KHDRBS2: variants seen among roughly 807,000 people sequenced by gnomAD.
The protein encoded by KHDRBS2 is KH RNA binding domain containing, signal transduction associated 2.
In KHDRBS2, 26 loss-of-function variants were observed where a neutral mutation model predicts 44.3. The observed-to-expected ratio is 0.59, with a 90% confidence interval of 0.43 to 0.81. KHDRBS2 has a LOEUF of 0.81. Among genes scored for constraint, KHDRBS2 ranks in the 40% least tolerant of loss-of-function variants. The pLI, the probability that KHDRBS2 is intolerant of heterozygous loss-of-function variation, is 0.00. For synonymous variants in KHDRBS2, 194 were observed against 151.1 expected, an observed-to-expected ratio of 1.28 and a Z score of -2.08; for missense variants, 476 against 433.1, an observed-to-expected ratio of 1.10 and a Z score of -0.88.
intron 1 of KHDRBS2, among the ~76,000 whole-genome samples, chr6:62,201,518 A>G (rs893959154): frequency 3.3e-5 from 5 of 152,144 alleles, no homozygotes; most frequent in East Asian, 1.9e-4. Flanking sequence ...CATAGAAAAT[A>G]CACGCTTCTA....
At chr6:62,055,516 C>T (rs1487986410) in intron 2 of KHDRBS2, among the ~76,000 whole-genome samples, 1 of 151,952 alleles carries the variant, frequency 6.6e-6, no homozygotes, top group Non-Finnish European at 1.5e-5. Flanking sequence ...ATGGCAGTGT[C>T]TTGTCAATCT....
chr6:62,130,579 T>C (rs1444084814), intron 2 of KHDRBS2, among the ~76,000 whole-genome samples: 1 of 152,006 alleles, frequency 6.6e-6, no homozygotes, highest in Non-Finnish European at 1.5e-5. Context: ...ACTATATTAA[T>C]ATATTGATGA....
the KHDRBS2 span, among the ~76,000 whole-genome samples, chr6:61,637,419 A>C: frequency 3.3e-5 from 5 of 152,058 alleles, no homozygotes; most frequent in Non-Finnish European, 4.4e-5. Flanking sequence ...ACATTTTCTT[A>C]ATCCAGTCTA....
the KHDRBS2 span, among the ~76,000 whole-genome samples, chr6:61,553,142 G>C: frequency 6.6e-6 from 1 of 151,974 alleles, no homozygotes; most frequent in African/African-American, 2.4e-5. Context: ...GGGCTTTTTT[G>C]GATAGTAGGC....
intron 2 of KHDRBS2, among the ~76,000 whole-genome samples, chr6:62,172,013 A>G (rs1820110341): frequency 6.6e-6 from 1 of 152,184 alleles, no homozygotes; most frequent in African/African-American, 2.4e-5. Flanking sequence ...TCAAGCAACT[A>G]CACAATCAAG....
chr6:62,114,969 T>A (rs1375930661), intron 2 of KHDRBS2, among the ~76,000 whole-genome samples: 6 of 152,164 alleles, frequency 3.9e-5, no homozygotes, highest in Non-Finnish European at 7.4e-5. Flanking sequence ...TCTATGAATA[T>A]TTTTGTCGGC....
intron 1 of KHDRBS2, among the ~76,000 whole-genome samples, chr6:62,249,837 G>A (rs1224012101): frequency 2.0e-5 from 3 of 151,994 alleles, no homozygotes; most frequent in Admixed American, 1.3e-4. Flanking sequence ...AAGTCATGAT[G>A]AACACTGCCA....
Position 61,906,543 on chromosome 6 carries a change from C to G in KHDRBS2, c.484-5172G>C, listed in dbSNP as rs962032755. Among the ~76,000 whole-genome samples the G allele has an allele frequency of 1.3e-4, 20 of 151,992 alleles. 1 individual carries two copies. Among genetic ancestry groups the G allele is most frequent in the South Asian group, 2.1e-4 (1 of 4,822 alleles). Reference sequence around the variant, plus strand: ...CCCATTAACCATCCCAACTTCCCCCCCTCCTTCCCACTATTCTTCCTGGTC... The same window carrying G: ...CCCATTAACCATCCCAACTTCCCCCGCTCCTTCCCACTATTCTTCCTGGTC... On this transcript the variant is annotated intron_variant, in intron 4 of 8. Transcript: ENST00000281156.
At chr6:61,880,526 T>G (rs563147158) in intron 6 of KHDRBS2, among the ~76,000 whole-genome samples, 2 of 152,108 alleles carry the variant, frequency 1.3e-5, no homozygotes, top group South Asian at 4.1e-4. Flanking sequence ...TCATTATATT[T>G]ACAGATCTCT....
At chr6:61,616,289 G>A in the KHDRBS2 span, among the ~76,000 whole-genome samples, 3 of 152,108 alleles carry the variant, frequency 2.0e-5, no homozygotes, top group Admixed American at 1.3e-4. Context: ...TGGAAGACTA[G>A]GGCATATAAT....
chr6:61,909,232 A>G (rs1409750793), intron 4 of KHDRBS2, among the ~76,000 whole-genome samples: 1 of 151,766 alleles, frequency 6.6e-6, no homozygotes, highest in Non-Finnish European at 1.5e-5. Context: ...ATGCCCAGCT[A>G]ATTTTTTTGT....
rs116383410 is a variant in KHDRBS2 at position 61,904,580 on chromosome 6, C to T, written c.484-3209G>A. 1.7e-3 allele frequency among the ~76,000 whole-genome samples: 257 copies of T among 152,224 alleles called. 2 individuals carry two copies. The highest frequency in any genetic ancestry group is 6.0e-3 in the African/African-American group (251 of 41,546). ...CTATTGCTTCCAAGGCTATGCTACC[C>T]AAAAGCTTCTCCCAGCTGATAACCA... On this transcript the variant is annotated intron_variant, in intron 4 of 8. Transcript: ENST00000281156.
chr6:62,169,133 A>G lies in KHDRBS2; in HGVS notation c.219+8052T>C, dbSNP rs537702590. Among the ~76,000 whole-genome samples the G allele has an allele frequency of 3.2e-5, 4 of 124,104 alleles. No homozygotes were observed. The East Asian group carries it at 9.4e-4, about 29-fold the overall frequency. 81.4% of individuals were successfully genotyped at this position (124,104 alleles called of 152,430 possible). ...CATATATGTGTGTATATATACATAT[A>G]CACACATATATGTGTGTATATATAC... On this transcript the variant is annotated intron_variant, in intron 2 of 8. Coordinates refer to ENST00000281156, the MANE Select transcript of KHDRBS2 (RefSeq NM_152688.4).
intron 3 of KHDRBS2, among the ~76,000 whole-genome samples, chr6:61,998,382 G>C (rs768251945): frequency 2.0e-5 from 3 of 151,964 alleles, no homozygotes; most frequent in Admixed American, 6.6e-5. Flanking sequence ...TCAGTCAAAG[G>C]TGTCTGGAAG....
At chr6:61,757,877 C>T (rs1380806666) in intron 6 of KHDRBS2, among the ~76,000 whole-genome samples, 1 of 152,110 alleles carries the variant, frequency 6.6e-6, no homozygotes, top group South Asian at 2.1e-4. Flanking sequence ...TCCAGTATGA[C>T]AATTGAGACA....
At chr6:61,688,631 A>C (rs1314618800) in intron 8 of KHDRBS2, among the ~76,000 whole-genome samples, 1 of 151,924 alleles carries the variant, frequency 6.6e-6, no homozygotes, top group African/African-American at 2.4e-5. Flanking sequence ...TTTTCTACCT[A>C]AGAGCAGAAA....
At chr6:61,614,862 G>A in the KHDRBS2 span, among the ~76,000 whole-genome samples, 52 of 152,176 alleles carry the variant, frequency 3.4e-4, no homozygotes, top group African/African-American at 1.3e-3. Context: ...TGAACCTCAA[G>A]GAACTGCAGT....
intron 3 of KHDRBS2, among the ~76,000 whole-genome samples, chr6:62,035,325 G>T (rs1785084435): frequency 6.6e-6 from 1 of 151,942 alleles, no homozygotes; most frequent in South Asian, 2.1e-4. Flanking sequence ...AAATGAATGA[G>T]ATTCTGTCAC....
At chr6:62,024,572 T>G (rs1053260199) in intron 3 of KHDRBS2, among the ~76,000 whole-genome samples, 13 of 151,624 alleles carry the variant, frequency 8.6e-5, no homozygotes, top group Non-Finnish European at 1.6e-4. Flanking sequence ...TAGTAATTTA[T>G]GAAAATAAAA....
Sources: gnomAD v4.1 joint callset for allele counts (sites outside exome capture counted in the v4.1 genomes callset) on GRCh38, gnomAD v4.1.1 for gene constraint, MANE v1.5 for transcripts, NCBI Gene and HGNC (gene_info 2026-07-23, HGNC 2026-07-21) for gene names.